FMN1: variants seen among roughly 807,000 people sequenced by gnomAD.
FMN1 encodes the protein formin-1.
Under a neutral mutation model 132.4 loss-of-function variants are expected in FMN1, and 110 were observed. The observed-to-expected ratio is 0.83, with a 90% confidence interval of 0.71 to 0.97. The LOEUF (loss-of-function observed/expected upper bound fraction) is 0.97. FMN1 is among the 50% of genes least tolerant of loss of function. The pLI is 0.00. For missense variants in FMN1, 1,792 were observed against 1,705.3 expected, an observed-to-expected ratio of 1.05 and a Z score of -0.90; for synonymous variants, 722 against 651.7, an observed-to-expected ratio of 1.11 and a Z score of -1.64.
chr15:33,090,593 A>G (rs1336609787), intron 4 of FMN1, among the ~76,000 whole-genome samples: 2 of 152,010 alleles, frequency 1.3e-5, no homozygotes, highest in Middle Eastern at 3.2e-3. Flanking sequence ...GTTGTCTAGA[A>G]GAGTATACCC....
At chr15:33,187,526 G>A (rs968705688) in intron 2 of FMN1, among the ~76,000 whole-genome samples, 33 of 152,210 alleles carry the variant, frequency 2.2e-4, no homozygotes, top group African/African-American at 8.0e-4. Context: ...AGAGCCCTGC[G>A]TGCTATATCT....
At chr15:33,147,334 T>C (rs1490342013) in intron 4 of FMN1, among the ~76,000 whole-genome samples, 2 of 152,212 alleles carry the variant, frequency 1.3e-5, no homozygotes, top group African/African-American at 4.8e-5. Flanking sequence ...TTAACAAATA[T>C]ATCCAATGAA....
intron 4 of FMN1, among the ~76,000 whole-genome samples, chr15:33,106,995 C>T (rs1384263147): frequency 6.6e-6 from 1 of 152,020 alleles, no homozygotes; most frequent in Non-Finnish European, 1.5e-5. Context: ...CTATCTCATA[C>T]AGGCACCCAA....
At chr15:33,184,009 T>C (rs1301571249) in intron 2 of FMN1, among the ~76,000 whole-genome samples, 1 of 152,222 alleles carries the variant, frequency 6.6e-6, no homozygotes, top group Non-Finnish European at 1.5e-5. Context: ...AGGATATATC[T>C]TGAAATAAGG....
intron 9 of FMN1, among the ~76,000 whole-genome samples, chr15:32,930,555 A>C (rs2061087124): frequency 6.6e-6 from 1 of 152,028 alleles, no homozygotes; most frequent in Non-Finnish European, 1.5e-5. Flanking sequence ...TTTTGGAGAA[A>C]TGTTTGGATA....
At chr15:33,028,886 C>T (rs536621068) in intron 6 of FMN1, among the ~76,000 whole-genome samples, 108 of 152,208 alleles carry the variant, frequency 7.1e-4, no homozygotes, top group African/African-American at 2.3e-3. Flanking sequence ...CCTATTGATC[C>T]GACGCTAGTC....
rs188387016 is a variant in FMN1, at chr15:32,915,299, C to A, written c.3227-4764G>T. ...ACCTGATAATTCTATTCTCAAAATA[C>A]TGGAACAACGTATTAGAGAATCAAT... On this transcript the variant is annotated intron_variant, in intron 10 of 20. Transcript: ENST00000616417. Among the ~76,000 whole-genome samples, 21 of 152,332 alleles carry A rather than the reference C, an allele frequency of 1.4e-4. No homozygotes were observed. The South Asian group carries it at 2.9e-3, about 21-fold the overall frequency.
intron 4 of FMN1, among the ~76,000 whole-genome samples, chr15:33,135,232 C>T (rs899340061): frequency 1.3e-5 from 2 of 152,112 alleles, no homozygotes; most frequent in African/African-American, 2.4e-5. Context: ...GAGGATCTTG[C>T]GCTAGAAGGT....
chr15:33,082,807 C>T (rs1454093604), intron 5 of FMN1, among the ~76,000 whole-genome samples: 1 of 151,884 alleles, frequency 6.6e-6, no homozygotes, highest in African/African-American at 2.4e-5. Flanking sequence ...GATCTTGTTT[C>T]AAAAGTAATA....
intron 4 of FMN1, among the ~76,000 whole-genome samples, chr15:33,095,881 A>G (rs865840101): frequency 2.0e-5 from 3 of 152,160 alleles, no homozygotes; most frequent in African/African-American, 7.2e-5. Context: ...AAAAAATTAC[A>G]AAATACTAAG....
intron 3 of FMN1, among the ~76,000 whole-genome samples, chr15:33,157,993 C>CAAA (rs71756813): frequency 0.012 from 1,526 of 123,440 alleles, 29 homozygotes; most frequent in African/African-American, 0.049. Flanking sequence ...CCCTGTCTTT[C>CAAA]AAAAAAAAAA....
chr15:32,921,677 T>TC (rs1174842653), intron 10 of FMN1, among the ~76,000 whole-genome samples: 16 of 113,932 alleles, frequency 1.4e-4, no homozygotes, highest in African/African-American at 6.1e-4. Context: ...TGTCTTTTTT[T>TC]TCTTTTTTTT....
intron 4 of FMN1, among the ~76,000 whole-genome samples, chr15:33,128,912 G>A (rs1022066413): frequency 8.7e-6 from 1 of 114,362 alleles, no homozygotes; most frequent in Non-Finnish European, 1.7e-5. Context: ...CCCCACCCAT[G>A]CCCTGCTTAT....
At chr15:32,845,055 T>C (rs978656470) in intron 17 of FMN1, among the ~76,000 whole-genome samples, 2 of 152,256 alleles carry the variant, frequency 1.3e-5, no homozygotes, top group African/African-American at 2.4e-5. Context: ...ACATGTATTA[T>C]GCACAATAAC....
intron 6 of FMN1, among the ~76,000 whole-genome samples, chr15:33,047,197 G>A (rs1176347514): frequency 2.0e-5 from 3 of 152,138 alleles, no homozygotes; most frequent in African/African-American, 7.2e-5. Context: ...CCCACCATGA[G>A]CATCTTCTAG....
chr15:32,812,052 C>T (rs1299518920), intron 17 of FMN1, among the ~76,000 whole-genome samples: 2 of 149,610 alleles, frequency 1.3e-5, no homozygotes, highest in Non-Finnish European at 3.0e-5. Context: ...ACAAACAAAA[C>T]CACGAAATGG....
At chr15:33,001,458 C>T (rs1025314989) in intron 7 of FMN1, among the ~76,000 whole-genome samples, 15 of 152,142 alleles carry the variant, frequency 9.9e-5, no homozygotes, top group African/African-American at 3.1e-4. Context: ...AGGGTGGTTG[C>T]AGGTCATTTC....
At chr15:32,954,320 T>A (rs1299184195) in intron 9 of FMN1, among the ~76,000 whole-genome samples, 2 of 152,218 alleles carry the variant, frequency 1.3e-5, no homozygotes, top group African/African-American at 4.8e-5. Flanking sequence ...TTGAGACAGC[T>A]CTATCCATCT....
At chr15:33,112,029 TG>T (rs1595496490) in intron 4 of FMN1, among the ~76,000 whole-genome samples, 2 of 152,308 alleles carry the variant, frequency 1.3e-5, no homozygotes, top group East Asian at 3.9e-4. Flanking sequence ...TGTAATTTTT[TG>T]GAAAGAACTG....
Sources: allele counts gnomAD v4.1 joint callset (sites outside exome capture counted in the v4.1 genomes callset), GRCh38; gene constraint gnomAD v4.1.1; transcripts MANE v1.5; gene names NCBI Gene and HGNC (gene_info 2026-07-23, HGNC 2026-07-21).